Variants in CNTNAP2 observed in about 807,000 individuals in gnomAD.
CNTNAP2 encodes contactin-associated protein-like 2.
CNTNAP2 carries 98 observed loss-of-function variants against 155.2 expected under a neutral mutation model. The observed-to-expected ratio is 0.63, with a 90% CI of 0.54 to 0.75. CNTNAP2 has a LOEUF of 0.75. Among genes scored for constraint, CNTNAP2 ranks in the 30% least tolerant of loss-of-function variants. The pLI, the probability that CNTNAP2 is intolerant of heterozygous loss-of-function variation, is 0.00. For missense variants in CNTNAP2, 1,727 were observed against 1,688.1 expected, an observed-to-expected ratio of 1.02 and a Z score of -0.40; for synonymous variants, 651 against 631.2, an observed-to-expected ratio of 1.03 and a Z score of -0.47.
intron 2 of CNTNAP2, among the ~76,000 whole-genome samples, chr7:146,800,121 G>C (rs1802847881): frequency 6.6e-6 from 1 of 152,042 alleles, no homozygotes. Flanking sequence ...ATTTTTCCAT[G>C]CTTAGGTACT....
intron 3 of CNTNAP2, among the ~76,000 whole-genome samples, chr7:146,843,902 T>G (rs1044470909): frequency 6.6e-6 from 1 of 152,078 alleles, no homozygotes; most frequent in African/African-American, 2.4e-5. Flanking sequence ...ATGTAAAAAT[T>G]TATGTATTTT....
At chr7:147,241,956 A>T (rs1022842436) in intron 8 of CNTNAP2, among the ~76,000 whole-genome samples, 3 of 152,200 alleles carry the variant, frequency 2.0e-5, no homozygotes, top group African/African-American at 7.2e-5. Context: ...AAACACGTTT[A>T]TAAAGCAGAA....
At chr7:146,372,101 G>C (rs1182997292) in intron 1 of CNTNAP2, among the ~76,000 whole-genome samples, 1 of 152,092 alleles carries the variant, frequency 6.6e-6, no homozygotes, top group Non-Finnish European at 1.5e-5. Context: ...ATATTAGTTG[G>C]GGACAGAATG....
chr7:146,968,925 C>T (rs1203257805), intron 3 of CNTNAP2, among the ~76,000 whole-genome samples: 5 of 146,530 alleles, frequency 3.4e-5, no homozygotes, highest in African/African-American at 1.3e-4. Flanking sequence ...TTGGATCTTT[C>T]CTGCTTTCTC....
At chr7:147,513,410 G>A (rs1263785525) in intron 11 of CNTNAP2, among the ~76,000 whole-genome samples, 1 of 151,984 alleles carries the variant, frequency 6.6e-6, no homozygotes, top group Admixed American at 6.6e-5. Context: ...ATGTGTAGGT[G>A]GCCTTGGTAA....
At chr7:147,750,173 G>A (rs548979289) in intron 13 of CNTNAP2, among the ~76,000 whole-genome samples, 5 of 152,240 alleles carry the variant, frequency 3.3e-5, no homozygotes, top group South Asian at 2.1e-4. Context: ...ACTGAGTTCC[G>A]TAAAATTTAT....
chr7:146,480,672 ATAT>A (rs992687189), intron 1 of CNTNAP2, among the ~76,000 whole-genome samples: 8 of 134,534 alleles, frequency 5.9e-5, no homozygotes, highest in African/African-American at 1.8e-4. Flanking sequence ...AAATATATAT[ATAT>A]TTTTTTTTTT....
intron 11 of CNTNAP2, among the ~76,000 whole-genome samples, chr7:147,497,571 G>A (rs1433583730): frequency 2.0e-5 from 3 of 152,184 alleles, no homozygotes; most frequent in African/African-American, 4.8e-5. Flanking sequence ...GAATTTGTCT[G>A]TGAAGAGGAA....
At chr7:146,265,190 T>C (rs1034711649) in intron 1 of CNTNAP2, among the ~76,000 whole-genome samples, 4 of 152,228 alleles carry the variant, frequency 2.6e-5, no homozygotes, top group Admixed American at 2.0e-4. Context: ...ATAACTATCA[T>C]ACATAATACC....
intron 1 of CNTNAP2, among the ~76,000 whole-genome samples, chr7:146,210,632 C>T (rs1799019690): frequency 6.6e-6 from 1 of 152,076 alleles, no homozygotes; most frequent in Admixed American, 6.6e-5. Context: ...AGTTTTCCAC[C>T]ACCGGTTACC....
rs183937854 is a variant in CNTNAP2, at chr7:146,325,044, C to T, written c.97+208071C>T. ...CTACGTTCTGTAATCAAGCGATCCT[C>T]CCGCCTGAGCCTCCTGAGTAGCTGC... On this transcript the variant is annotated intron_variant, in intron 1 of 23. Transcript: ENST00000361727. Among the ~76,000 whole-genome samples, 983 of 152,142 alleles carry T rather than the reference C, an allele frequency of 6.5e-3. 31 individuals carry two copies. Among genetic ancestry groups the T allele is most frequent in the Non-Finnish European group, 3.9e-3 (264 of 68,002 alleles).
At chr7:146,764,231 T>C (rs1324422622) in intron 1 of CNTNAP2, among the ~76,000 whole-genome samples, 2 of 152,112 alleles carry the variant, frequency 1.3e-5, no homozygotes, top group African/African-American at 2.4e-5. Context: ...CTTCAGATTA[T>C]TGGTTTATTA....
At chr7:147,692,152 G>A (rs372683657) in intron 13 of CNTNAP2, among the ~76,000 whole-genome samples, 12 of 151,978 alleles carry the variant, frequency 7.9e-5, no homozygotes, top group East Asian at 7.7e-4. Context: ...GTAATAATAT[G>A]CATTTAAGCT....
chr7:147,817,926 C>G (rs933221361), intron 13 of CNTNAP2, among the ~76,000 whole-genome samples: 4 of 146,768 alleles, frequency 2.7e-5, no homozygotes, highest in Admixed American at 1.4e-4. Context: ...AAAAAAATAG[C>G]AAAGAAAAAA....
At chr7:146,658,940 C>T (rs926920478) in intron 1 of CNTNAP2, among the ~76,000 whole-genome samples, 1 of 152,138 alleles carries the variant, frequency 6.6e-6, no homozygotes, top group Non-Finnish European at 1.5e-5. Flanking sequence ...GAGCCTAGAA[C>T]CCCACACTCT....
intron 10 of CNTNAP2, among the ~76,000 whole-genome samples, chr7:147,470,203 A>G (rs1163055998): frequency 6.6e-6 from 1 of 152,232 alleles, no homozygotes; most frequent in Non-Finnish European, 1.5e-5. Flanking sequence ...GACACAGATG[A>G]GGCAAAATAA....
At chr7:146,818,193 A>G (rs1456329683) in intron 2 of CNTNAP2, among the ~76,000 whole-genome samples, 1 of 152,118 alleles carries the variant, frequency 6.6e-6, no homozygotes, top group Non-Finnish European at 1.5e-5. Context: ...TGAATTGGCA[A>G]GTTCTCTACT....
intron 1 of CNTNAP2, among the ~76,000 whole-genome samples, chr7:146,517,568 A>T (rs1797559381): frequency 6.6e-6 from 1 of 151,982 alleles, no homozygotes; most frequent in African/African-American, 2.4e-5. Context: ...CAGATCATGG[A>T]GAGACTCAGG....
intron 1 of CNTNAP2, among the ~76,000 whole-genome samples, chr7:146,763,698 T>G (rs55945214): frequency 0.15 from 23,451 of 152,220 alleles, 2,286 homozygotes; most frequent in South Asian, 0.31. Flanking sequence ...TACAGTACCA[T>G]GATTGACATT....
Sources: gnomAD v4.1 joint callset for allele counts (sites outside exome capture counted in the v4.1 genomes callset) on GRCh38, gnomAD v4.1.1 for gene constraint, MANE v1.5 for transcripts, NCBI Gene and HGNC (gene_info 2026-07-23, HGNC 2026-07-21) for gene names.